Variants in KAZN observed in about 807,000 individuals in gnomAD.
KAZN encodes kazrin, periplakin interacting protein, also known as kazrin.
In KAZN, 40 loss-of-function variants were observed where a neutral mutation model predicts 87.4. The ratio of observed to expected loss-of-function variants is 0.46; its 90% CI spans 0.36 to 0.60. The LOEUF (loss-of-function observed/expected upper bound fraction) is 0.60. Ranked by LOEUF, KAZN falls within the 20% of genes least tolerant of loss-of-function variation. KAZN has a pLI of 0.00. For synonymous variants in KAZN, 466 were observed against 458.3 expected (o/e 1.02, Z -0.22); for missense variants, 898 against 1,073.9 (o/e 0.84, Z 2.29).
chr1:14,666,717 C>G (rs1198256410), intron 1 of KAZN, among the ~76,000 whole-genome samples: 1 of 152,136 alleles, frequency 6.6e-6, no homozygotes, highest in African/African-American at 2.4e-5. Context: ...GGGGCCTTCT[C>G]CGTGCCTCTG....
intron 2 of KAZN, among the ~76,000 whole-genome samples, chr1:14,366,950 A>G (rs1660050951): frequency 6.6e-6 from 1 of 152,202 alleles, no homozygotes; most frequent in African/African-American, 2.4e-5. Flanking sequence ...GAAAATGGCT[A>G]GCCGGGCACA....
intron 1 of KAZN, among the ~76,000 whole-genome samples, chr1:14,889,157 C>T (rs1051922832): frequency 2.0e-5 from 3 of 152,206 alleles, no homozygotes; most frequent in East Asian, 1.9e-4. Context: ...AAAGGTTACA[C>T]ACACCAATTC....
chr1:14,219,396 C>G (rs1437751790), intron 2 of KAZN, among the ~76,000 whole-genome samples: 5 of 152,138 alleles, frequency 3.3e-5, no homozygotes, highest in African/African-American at 1.2e-4. Context: ...GTTTATTAAA[C>G]TAAGCATTTA....
chr1:14,383,270 G>A (rs201276589), intron 2 of KAZN, among the ~76,000 whole-genome samples: 10,873 of 148,996 alleles, frequency 0.073, 467 homozygotes, highest in East Asian at 0.15. Flanking sequence ...TAGGTTGCCT[G>A]TTCACTCTGA....
chr1:14,625,484 A>C (rs2148649538), intron 1 of KAZN, among the ~76,000 whole-genome samples: 1 of 152,324 alleles, frequency 6.6e-6, no homozygotes, highest in Non-Finnish European at 1.5e-5. Flanking sequence ...TCACTTAGAG[A>C]AGTCAAAGAG....
At chr1:14,620,107 T>G (rs1207044433) in intron 1 of KAZN, among the ~76,000 whole-genome samples, 1 of 152,250 alleles carries the variant, frequency 6.6e-6, no homozygotes, top group Non-Finnish European at 1.5e-5. Flanking sequence ...GTTACCCATC[T>G]GTACAATGGT....
intron 1 of KAZN, among the ~76,000 whole-genome samples, chr1:14,149,995 A>G (rs17353931): frequency 0.41 from 61,681 of 152,052 alleles, 12,900 homozygotes; most frequent in Middle Eastern, 0.5. Context: ...CGACAGTCAT[A>G]CTAGTCATAA....
intron 1 of KAZN, among the ~76,000 whole-genome samples, chr1:14,603,899 CA>C (rs1326554714): frequency 6.6e-6 from 1 of 152,166 alleles, no homozygotes; most frequent in African/African-American, 2.4e-5. Context: ...ATATGGGGCC[CA>C]GAAGGTCAAG....
At chr1:13,927,282 A>G (rs190815001) in intron 1 of KAZN, among the ~76,000 whole-genome samples, 1 of 152,324 alleles carries the variant, frequency 6.6e-6, no homozygotes, top group East Asian at 1.9e-4. Flanking sequence ...GAGGAACTAG[A>G]AGGTCACACA....
At chr1:14,209,669 G>A (rs1015116664) in intron 2 of KAZN, among the ~76,000 whole-genome samples, 2 of 152,150 alleles carry the variant, frequency 1.3e-5, no homozygotes, top group African/African-American at 4.8e-5. Context: ...CTGGACCAAA[G>A]TTCCAATTAT....
At chr1:13,897,780 C>T (rs558729062) in intron 1 of KAZN, among the ~76,000 whole-genome samples, 5 of 152,202 alleles carry the variant, frequency 3.3e-5, no homozygotes, top group Non-Finnish European at 5.9e-5. Context: ...TGTCTTGTCT[C>T]GCTCAAGGAT....
intron 1 of KAZN, among the ~76,000 whole-genome samples, chr1:14,180,086 CACTT>C (rs1184349231): frequency 6.6e-6 from 1 of 152,042 alleles, no homozygotes; most frequent in Non-Finnish European, 1.5e-5. Context: ...AGTTTATAAA[CACTT>C]ACCACAAAGT....
In KAZN at chr1:14,643,494, C is replaced by A. The variant is rs114506230; in HGVS notation, c.226+44271C>A. On this transcript the variant is annotated intron_variant, in intron 1 of 14. Coordinates refer to ENST00000376030, the MANE Select transcript of KAZN (RefSeq NM_201628.3). ...GCTCTATCTATGTTCCTGCAAAAGA[C>A]ATGATCTCGTTTTTTATGGCTGCAT... Among the ~76,000 whole-genome samples the A allele has an allele frequency of 2.2e-3, 332 of 152,348 alleles. 5 individuals are homozygous for A. The highest frequency in any genetic ancestry group is 7.7e-3 in the African/African-American group (321 of 41,580).
intron 2 of KAZN, among the ~76,000 whole-genome samples, chr1:14,296,972 CTG>C (rs1227755282): frequency 6.6e-6 from 1 of 152,064 alleles, no homozygotes; most frequent in Non-Finnish European, 1.5e-5. Flanking sequence ...GCACAGTTCT[CTG>C]TGTATATTTG....
intron 1 of KAZN, among the ~76,000 whole-genome samples, chr1:13,968,876 T>A (rs1217927761): frequency 1.3e-5 from 2 of 152,210 alleles, no homozygotes; most frequent in African/African-American, 2.4e-5. Flanking sequence ...CACTTGCCGA[T>A]GACTCCCAAA....
chr1:14,819,386 G>A (rs1646669284), intron 1 of KAZN, among the ~76,000 whole-genome samples: 1 of 152,130 alleles, frequency 6.6e-6, no homozygotes, highest in Non-Finnish European at 1.5e-5. Context: ...ATGTTGCTGG[G>A]AAGGTATTTT....
chr1:14,574,256 G>A (rs572000142), intron 2 of KAZN, among the ~76,000 whole-genome samples: 15 of 152,256 alleles, frequency 9.9e-5, no homozygotes, highest in African/African-American at 3.6e-4. Context: ...TTCATCAATG[G>A]CCTTGAAGTA....
At chr1:14,500,064 C>T (rs1396249162) in intron 2 of KAZN, among the ~76,000 whole-genome samples, 1 of 152,168 alleles carries the variant, frequency 6.6e-6, no homozygotes, top group African/African-American at 2.4e-5. Flanking sequence ...GTCTTTATGT[C>T]ATTGTGTTTG....
chr1:14,269,176 G>T (rs565654481), intron 2 of KAZN, among the ~76,000 whole-genome samples: 1 of 152,080 alleles, frequency 6.6e-6, no homozygotes, highest in Non-Finnish European at 1.5e-5. Context: ...CTTGGAAGAG[G>T]GGATTTAGAT....
Sources: allele counts gnomAD v4.1 joint callset (sites outside exome capture counted in the v4.1 genomes callset), GRCh38; gene constraint gnomAD v4.1.1; transcripts MANE v1.5; gene names NCBI Gene and HGNC (gene_info 2026-07-23, HGNC 2026-07-21).